Variants in CRYZL1 observed in about 807,000 individuals in gnomAD.
The protein encoded by CRYZL1 is ferry endosomal RAB5 effector complex subunit 4.
A neutral mutation model predicts 50.6 loss-of-function variants in CRYZL1; 34 were observed. The observed-to-expected ratio is 0.67, with a 90% CI of 0.51 to 0.89. CRYZL1 has a LOEUF of 0.89. Among genes scored for constraint, CRYZL1 ranks in the 40% least tolerant of loss-of-function variants. The pLI is 0.00. For missense variants in CRYZL1, 354 were observed against 402.3 expected, an observed-to-expected ratio of 0.88 and a Z score of 1.03; for synonymous variants, 125 against 134.3, an observed-to-expected ratio of 0.93 and a Z score of 0.48.
At chr21:33,609,346 C>A (rs2086846002) in intron 6 of CRYZL1, among the ~76,000 whole-genome samples, 1 of 152,144 alleles carries the variant, frequency 6.6e-6, no homozygotes. Flanking sequence ...CTGAGACAGG[C>A]TAGAGTGCAG....
chr21:33,622,537 AGTGG>A, intron 3 of CRYZL1, among the ~76,000 whole-genome samples: 1 of 152,106 alleles, frequency 6.6e-6, no homozygotes, highest in East Asian at 1.9e-4. Flanking sequence ...TGGGTTAGGG[AGTGG>A]GTGAGAAGTA....
At chr21:33,618,337 T>C (rs2086959006) in intron 4 of CRYZL1, among the ~76,000 whole-genome samples, 2 of 146,974 alleles carry the variant, frequency 1.4e-5, no homozygotes, top group African/African-American at 2.5e-5. Flanking sequence ...TTTCTCTGCA[T>C]ATGTAGAGAA....
chr21:33,628,448 A>G (rs1174792572), intron 2 of CRYZL1, among the ~76,000 whole-genome samples: 1 of 152,188 alleles, frequency 6.6e-6, no homozygotes, highest in Non-Finnish European at 1.5e-5. Context: ...TAATGAACAT[A>G]GACTATCTTT....
At chr21:33,639,440 T>A (rs1410534805) in intron 1 of CRYZL1, among the ~76,000 whole-genome samples, 1 of 152,240 alleles carries the variant, frequency 6.6e-6, no homozygotes, top group African/African-American at 2.4e-5. Context: ...AACGGTGTGA[T>A]GAATGAGTCT....
intron 8 of CRYZL1, among the ~76,000 whole-genome samples, chr21:33,601,637 C>T (rs1003937538): frequency 1.3e-5 from 2 of 152,160 alleles, no homozygotes; most frequent in African/African-American, 4.8e-5. Context: ...TAAACTGGGG[C>T]TGGACATGGT....
intron 5 of CRYZL1, among the ~76,000 whole-genome samples, chr21:33,614,974 C>A (rs1322454282): frequency 3.3e-5 from 5 of 152,088 alleles, no homozygotes; most frequent in Non-Finnish European, 7.4e-5. Flanking sequence ...CCACTGATTT[C>A]CTGAGCAGAA....
At chr21:33,598,327 T>TA (rs957648151) in intron 9 of CRYZL1, among the ~76,000 whole-genome samples, 3 of 152,226 alleles carry the variant, frequency 2.0e-5, no homozygotes, top group African/African-American at 7.2e-5. Context: ...AATACTGGTT[T>TA]AAAAAACCAC....
chr21:33,614,151 G>T (rs987906632), intron 5 of CRYZL1, among the ~76,000 whole-genome samples: 1 of 141,164 alleles, frequency 7.1e-6, no homozygotes, highest in South Asian at 2.2e-4. Flanking sequence ...CAGCCCGGCC[G>T]ACAGTGCGAG....
At chr21:33,637,614 T>C (rs2087224361) in intron 1 of CRYZL1, among the ~76,000 whole-genome samples, 1 of 151,850 alleles carries the variant, frequency 6.6e-6, no homozygotes, top group South Asian at 2.1e-4. Flanking sequence ...CTCCTCTTCT[T>C]ACATGCTCAA....
chr21:33,589,775 A>G lies in CRYZL1; in HGVS notation c.*47T>C. 1 of 1,233,246 alleles carries G rather than the reference A, an allele frequency of 8.1e-7. No homozygotes were observed. Among genetic ancestry groups the G allele is most frequent in the East Asian group, 2.3e-5 (1 of 42,732 alleles). 76.4% of individuals were successfully genotyped at this position (1,233,246 alleles called of 1,614,324 possible). A position where few individuals can be genotyped will look rare whatever the true frequency, so the allele number is the denominator to read the frequency against. ...AATTTCCAAAGAAAATTCTGGCTTC[A>G]AATACTGGAATATGTTCATCCGACT... On this transcript the variant is annotated 3_prime_UTR_variant, in exon 13 of 13. Transcript: ENST00000381554.
rs1341904850 is a variant in CRYZL1 at position 33,631,496 on chromosome 21, A to C, written c.56T>G (p.Phe19Cys). ...AACATTTTTTCTTACCTTTTCTTGA[A>C]ATACAAATGTTATTTCTTCATCTGT... Reference protein sequence around the residue: ...SSTDEEITFVFQEKEDLPVTE... With the variant: ...SSTDEEITFVCQEKEDLPVTE... The change falls in exon 2 of 13, where the codon TTT becomes TGT. Residue 19 changes from phenylalanine (F) to cysteine (C), a missense_variant. Coordinates refer to ENST00000381554, the MANE Select transcript of CRYZL1 (RefSeq NM_145858.3). The C allele has an allele frequency of 1.3e-6, 2 of 1,523,504 alleles. No individual in the cohort carries two copies. Among genetic ancestry groups the C allele is most frequent in the South Asian group, 2.6e-5 (2 of 76,112 alleles). The allele number at this position is 1,523,504 out of a possible 1,614,324, so 94.4% of individuals were successfully genotyped here.
intron 2 of CRYZL1, among the ~76,000 whole-genome samples, chr21:33,628,276 A>G (rs1430679635): frequency 6.6e-6 from 1 of 152,180 alleles, no homozygotes; most frequent in African/African-American, 2.4e-5. Flanking sequence ...CTTTTGGTCA[A>G]GATGGCTTTT....
At chr21:33,604,528 CAAAAA>C (rs34132721) in intron 6 of CRYZL1, among the ~76,000 whole-genome samples, 2 of 115,582 alleles carry the variant, frequency 1.7e-5, no homozygotes. Context: ...GACTCCGTCT[CAAAAA>C]AAAAAAAAAA....
chr21:33,623,968 A>G (rs2087031189), intron 3 of CRYZL1, among the ~76,000 whole-genome samples: 2 of 152,322 alleles, frequency 1.3e-5, no homozygotes, highest in South Asian at 4.1e-4. Context: ...CATAACTAGT[A>G]ATATTAGTTA....
chr21:33,634,570 CCATTGCCTGGGA>C (rs1337907308), intron 1 of CRYZL1, among the ~76,000 whole-genome samples: 1 of 151,646 alleles, frequency 6.6e-6, no homozygotes, highest in Non-Finnish European at 1.5e-5. Flanking sequence ...GCTTTCCCAA[CCATTGCCTGGGA>C]AATATATCCA....
Position 33,603,943 on chromosome 21 carries a change from T to C in CRYZL1, c.332-406A>G, listed in dbSNP as rs148336993. On this transcript the variant is annotated intron_variant, in intron 6 of 12. Transcript: ENST00000381554. ...ATTTCTTATTTGTATCACTCATTAG[T>C]ACGCATTCCTAAACAATACAATTTC... Among the ~76,000 whole-genome samples, 26 of 152,364 alleles carry C rather than the reference T, an allele frequency of 1.7e-4. 1 individual carries two copies. Among genetic ancestry groups the C allele is most frequent in the African/African-American group, 5.8e-4 (24 of 41,588 alleles).
chr21:33,635,936 G>C (rs1360712521), intron 1 of CRYZL1, among the ~76,000 whole-genome samples: 1 of 152,092 alleles, frequency 6.6e-6, no homozygotes, highest in Non-Finnish European at 1.5e-5. Context: ...AGCTGAGATC[G>C]CGCCACTGCA....
intron 11 of CRYZL1, 153 bp downstream of exon 11, chr21:33,595,578 A>G (rs1485793923): frequency 7.4e-7 from 1 of 1,356,748 alleles, no homozygotes; most frequent in Admixed American, 2.0e-5. Flanking sequence ...GGCTGTTTTA[A>G]TGTTTAAATG....
chr21:33,632,486 G>C (rs866828018), intron 1 of CRYZL1, among the ~76,000 whole-genome samples: 2 of 151,358 alleles, frequency 1.3e-5, no homozygotes, highest in Non-Finnish European at 2.9e-5. Flanking sequence ...CAAGCGATCC[G>C]CCTGCCTCAG....
Sources: allele counts gnomAD v4.1 joint callset (sites outside exome capture counted in the v4.1 genomes callset), GRCh38; gene constraint gnomAD v4.1.1; transcripts MANE v1.5; gene names NCBI Gene and HGNC (gene_info 2026-07-23, HGNC 2026-07-21).